Variants in STAT5B observed in about 807,000 individuals in gnomAD.
STAT5B encodes the protein transcription factor STAT5B.
In STAT5B, 21 loss-of-function variants were observed where a neutral mutation model predicts 107.8. The observed-to-expected ratio is 0.19, with a 90% CI of 0.14 to 0.28. The LOEUF (loss-of-function observed/expected upper bound fraction) is 0.28. Ranked by LOEUF, STAT5B falls within the 10% of genes least tolerant of loss-of-function variation. The probability of loss-of-function intolerance (pLI) is 1.00; values close to 1 mark genes in which losing one functional copy is unlikely to be tolerated. For synonymous variants in STAT5B, 325 were observed against 401.7 expected (o/e 0.81, Z 2.28); for missense variants, 565 against 1,008.2 (o/e 0.56, Z 5.95).
At chr17:42,285,967 T>C in the STAT5B span, among the ~76,000 whole-genome samples, 2 of 151,908 alleles carry the variant, frequency 1.3e-5, no homozygotes, top group Admixed American at 1.3e-4. Flanking sequence ...TGCCTGTAAT[T>C]CCAGCACTTT....
chr17:42,203,813 G>A (rs1483184645), intron 16 of STAT5B, among the ~76,000 whole-genome samples: 2 of 152,116 alleles, frequency 1.3e-5, no homozygotes, highest in South Asian at 2.1e-4. Context: ...TTTTGGTAGA[G>A]ATGGGGTTTC....
chr17:42,242,965 G>A (rs2080417210), intron 1 of STAT5B, among the ~76,000 whole-genome samples: 1 of 149,744 alleles, frequency 6.7e-6, no homozygotes. Context: ...CTAATCTCAA[G>A]TACCCAGGGA....
the STAT5B span, among the ~76,000 whole-genome samples, chr17:42,284,542 C>G: frequency 1.3e-5 from 2 of 152,234 alleles, no homozygotes; most frequent in Non-Finnish European, 2.9e-5. Context: ...GCTGGGACTA[C>G]AGGCGTGAGC....
At chr17:42,215,570 A>G (rs1328731877) in intron 12 of STAT5B, among the ~76,000 whole-genome samples, 1 of 152,036 alleles carries the variant, frequency 6.6e-6, no homozygotes. Context: ...CACTTTCCAC[A>G]TTCTTTCTAT....
chr17:42,214,181 T>C lies in STAT5B; in HGVS notation c.1473+1833A>G, dbSNP rs1017169261. ...AAAAAAAAATAGCATAAGATGTAAG[T>C]AGTCATTAACATAGCTGAGAATGTT... On this transcript the variant is annotated intron_variant, in intron 12 of 18. Transcript: ENST00000293328. 28 of 976,350 alleles carry C rather than the reference T, an allele frequency of 2.9e-5. No individual in the cohort carries two copies. The African/African-American group carries it at 4.4e-4, about 15-fold the overall frequency. 60.5% of individuals were successfully genotyped at this position (976,350 alleles called of 1,614,324 possible). A position where few individuals can be genotyped will look rare whatever the true frequency, so the allele number is the denominator to read the frequency against.
chr17:42,212,055 G>C lies in STAT5B; in HGVS notation c.1609C>G (p.Leu537Val). ...KENLVFLAQK[L>V]FNNSSSHLED... is the part of the protein sequence containing the mutation. ...AGGTGGCTGCTGCTGTTGTTGAACA[G>C]TTTCTGCGCCAGGAACACGAGGTTC... is the stretch of plus-strand genomic sequence containing the variant. The change falls in exon 13 of 19, where the codon CTG (leucine) becomes GTG (valine). Residue 537 changes from leucine (L) to valine (V), a missense_variant. Physicochemically the swap from Leu to Val is conservative, Grantham distance 32. Around this residue, in one of 11 missense-constraint regions of STAT5B, gnomAD observed 127 missense variants for 215.8 expected, o/e 0.59. Coordinates refer to ENST00000293328, the MANE Select transcript of STAT5B (RefSeq NM_012448.4). 6.2e-7 allele frequency: 1 copy of C among 1,614,114 alleles called. No homozygotes were observed. The highest frequency in any genetic ancestry group is 1.1e-5 in the South Asian group (1 of 91,078).
intron 1 of STAT5B, among the ~76,000 whole-genome samples, chr17:42,236,449 GT>G (rs1418290521): frequency 6.6e-6 from 1 of 152,176 alleles, no homozygotes; most frequent in Non-Finnish European, 1.5e-5. Context: ...TTTTTTGTTT[GT>G]TTGTTTTTTG....
Position 42,232,149 on chromosome 17 carries a change from A to T in STAT5B, c.-10-12T>A. 2 of 1,613,194 alleles carry T rather than the reference A, an allele frequency of 1.2e-6. No homozygotes were observed. The highest frequency in any genetic ancestry group is 1.7e-6 in the Non-Finnish European group (2 of 1,179,476). ...CCATGGTTTACAATCTGTTGAACAAACAATCAGTGCTTTGGGCGTTTTTTC... is the reference window on the plus strand; with the variant it reads ...CCATGGTTTACAATCTGTTGAACAATCAATCAGTGCTTTGGGCGTTTTTTC... On this transcript the variant is annotated splice_polypyrimidine_tract_variant and intron_variant, in intron 1 of 18. Coordinates refer to ENST00000293328, the MANE Select transcript of STAT5B (RefSeq NM_012448.4).
At chr17:42,246,552 T>G (rs986880575) in intron 1 of STAT5B, among the ~76,000 whole-genome samples, 5 of 152,170 alleles carry the variant, frequency 3.3e-5, no homozygotes, top group African/African-American at 1.2e-4. Flanking sequence ...ATCTTTGATG[T>G]GACTAAGCAA....
rs1319432358 is a variant in STAT5B at position 42,217,361 on chromosome 17, C to T, written c.1257+16G>A. 2 of 1,614,218 alleles carry T rather than the reference C, an allele frequency of 1.2e-6. No individual in the cohort carries two copies. Among genetic ancestry groups the T allele is most frequent in the Admixed American group, 3.3e-5 (2 of 60,026 alleles). ...GACCAGGGAAAAATTCATTCTTCCT[C>T]TTCTTCCACCCTCACCATATTCCTG... On this transcript the variant is annotated intron_variant, in intron 10 of 18. Coordinates refer to ENST00000293328, the MANE Select transcript of STAT5B (RefSeq NM_012448.4).
upstream of STAT5B, among the ~76,000 whole-genome samples, chr17:42,278,115 A>G (rs1336232255): frequency 1.3e-5 from 2 of 152,110 alleles, no homozygotes; most frequent in Non-Finnish European, 2.9e-5. Flanking sequence ...TCTGCCTGGA[A>G]TGTCCTGCCT....
chr17:42,201,698 T>C lies in STAT5B; in HGVS notation c.*40A>G. The C allele has an allele frequency of 8.1e-7, 1 of 1,233,412 alleles. No individual in the cohort carries two copies. The highest frequency in any genetic ancestry group is 1.5e-5 in the African/African-American group (1 of 67,606). 76.4% of individuals were successfully genotyped at this position (1,233,412 alleles called of 1,614,324 possible). ...AAAACATCCACAAGAGTGATTCCTC[T>C]GGTGAAGATGAAGAAGCTGAAGATG... On this transcript the variant is annotated 3_prime_UTR_variant, in exon 19 of 19. Transcript: ENST00000293328.
intron 3 of STAT5B, 88 bp from the exon 4 acceptor site, chr17:42,224,956 A>T: frequency 7.4e-7 from 1 of 1,343,122 alleles, no homozygotes; most frequent in Non-Finnish European, 1.1e-6. Context: ...CTCCTGAGGG[A>T]CCTCCTGAAT....
chr17:42,279,884 G>A (rs2080788612), upstream of STAT5B, among the ~76,000 whole-genome samples: 1 of 152,054 alleles, frequency 6.6e-6, no homozygotes, highest in Non-Finnish European at 1.5e-5. Context: ...CTGACTGATG[G>A]TCACCAGGCA....
chr17:42,239,896 C>T (rs1329897586), intron 1 of STAT5B, among the ~76,000 whole-genome samples: 1 of 152,136 alleles, frequency 6.6e-6, no homozygotes, highest in Non-Finnish European at 1.5e-5. Context: ...GACGCTGAGG[C>T]GGGTGGATCA....
In STAT5B at chr17:42,205,895, TCAAA is replaced by T. The variant is rs535102953; in HGVS notation, c.2077+1659_2077+1662del. Among the ~76,000 whole-genome samples the T allele has an allele frequency of 3.1e-3, 468 of 152,004 alleles. 2 individuals are homozygous for T. The highest frequency in any genetic ancestry group is 0.01 in the African/African-American group (423 of 41,436). ...CTGGGCAACAAAGTGAGACCCCATCTCAAACAAACAAACAAACAAAACAACAACA... is the reference window on the plus strand; with the variant it reads ...CTGGGCAACAAAGTGAGACCCCATCTCAAACAAACAAACAAAACAACAACA... On this transcript the variant is annotated intron_variant, in intron 16 of 18. Coordinates refer to ENST00000293328, the MANE Select transcript of STAT5B (RefSeq NM_012448.4).
chr17:42,201,749 C>A lies in STAT5B; in HGVS notation c.2353G>T (p.Ala785Ser). The change falls in exon 19 of 19, where the codon GCA (alanine) becomes TCA (serine). Residue 785 changes from alanine (A) to serine (S), a missense_variant. By Grantham distance (99) the Ala-to-Ser change is moderately conservative. This residue lies in a region of STAT5B where 76 missense variants were observed against 110.2 expected (regional missense o/e 0.69). Coordinates refer to ENST00000293328, the MANE Select transcript of STAT5B (RefSeq NM_012448.4). Reference protein sequence around the residue: ...RPMDSQWIPHAQS With the variant: ...RPMDSQWIPHSQS Reference sequence around the variant, plus strand: ...GAGAGGTCGCGGGGTCACGATTGTGCGTGCGGGATCCACTGACTGTCCATT... The same window carrying A: ...GAGAGGTCGCGGGGTCACGATTGTGAGTGCGGGATCCACTGACTGTCCATT... The A allele has an allele frequency of 6.2e-7, 1 of 1,604,594 alleles. No homozygotes were observed. The highest frequency in any genetic ancestry group is 8.5e-7 in the Non-Finnish European group (1 of 1,171,312).
intron 1 of STAT5B, chr17:42,271,297 C>T (rs1481284517): frequency 1.3e-5 from 2 of 152,242 alleles, no homozygotes; most frequent in Non-Finnish European, 2.9e-5. Flanking sequence ...AAGCCAAATT[C>T]ACATTTAGTA....
intron 1 of STAT5B, among the ~76,000 whole-genome samples, chr17:42,237,976 G>A (rs1440103405): frequency 6.6e-6 from 1 of 152,012 alleles, no homozygotes; most frequent in South Asian, 2.1e-4. Flanking sequence ...TTACAAAACC[G>A]GCTTCTTTCT....
Sources: gnomAD v4.1 joint callset for allele counts (sites outside exome capture counted in the v4.1 genomes callset) on GRCh38, gnomAD v4.1.1 for gene constraint, gnomAD v4.1.1 regional missense constraint, MANE v1.5 for transcripts, NCBI Gene and HGNC (gene_info 2026-07-23, HGNC 2026-07-21) for gene names.